PNPLA7: variants seen among roughly 807,000 people sequenced by gnomAD.
PNPLA7 encodes patatin like domain 7, lysophospholipase.
A neutral mutation model predicts 161.7 loss-of-function variants in PNPLA7; 153 were observed. That is an observed-to-expected ratio of 0.95 (90% CI 0.83 to 1.08). The LOEUF is 1.08. Among genes scored for constraint, PNPLA7 ranks in the 50% least tolerant of loss-of-function variants. The pLI is 0.00. For missense variants in PNPLA7, 1,739 were observed against 1,856.6 expected (o/e 0.94, Z 1.16); for synonymous variants, 809 against 782.1 (o/e 1.03, Z -0.57).
intron 21 of PNPLA7, among the ~76,000 whole-genome samples, chr9:137,482,293 C>T (rs1305173398): frequency 1.3e-5 from 2 of 152,256 alleles, no homozygotes; most frequent in Non-Finnish European, 1.5e-5. Context: ...CAGGTGTTTA[C>T]AGCAGCTTCA....
chr9:137,505,749 G>T lies in PNPLA7; in HGVS notation c.1338C>A (p.Ser446Arg), dbSNP rs781579958. 5 of 1,613,960 alleles carry T rather than the reference G, an allele frequency of 3.1e-6. No individual in the cohort carries two copies. The South Asian group carries it at 5.5e-5, about 18-fold the overall frequency. ...GSSVASKSRKSVMVAEIPSTV... is the reference protein window; with the variant it reads ...GSSVASKSRKRVMVAEIPSTV... ...TGGAGGGTATCTCTGCAACCATCAC[G>T]CTTTTCCTGGACTGGAGAAGAACGG... The change falls in exon 14 of 35, where the codon AGC becomes AGA. Residue 446 changes from serine (S) to arginine (R), a missense_variant. Physicochemically the swap from Ser to Arg is moderately radical, Grantham distance 110. Coordinates refer to ENST00000406427, the MANE Select transcript of PNPLA7 (RefSeq NM_001098537.3).
intron 8 of PNPLA7, among the ~76,000 whole-genome samples, chr9:137,538,466 C>G (rs541676263): frequency 1.3e-5 from 2 of 152,194 alleles, no homozygotes; most frequent in African/African-American, 4.8e-5. Flanking sequence ...GGCTCCAGTG[C>G]GAGGTTTCAT....
At chr9:137,466,859 C>T (rs569372275) in intron 26 of PNPLA7, among the ~76,000 whole-genome samples, 1 of 147,666 alleles carries the variant, frequency 6.8e-6, no homozygotes, top group African/African-American at 2.6e-5. Context: ...GACCCGGGCA[C>T]GGATCAGACC....
chr9:137,489,401 T>C (rs921481361), intron 20 of PNPLA7, among the ~76,000 whole-genome samples: 1 of 152,168 alleles, frequency 6.6e-6, no homozygotes, highest in Non-Finnish European at 1.5e-5. Flanking sequence ...CAGAGTCTCA[T>C]AGCCTAACAC....
intron 12 of PNPLA7, 131 bp downstream of exon 12, chr9:137,515,248 T>G: frequency 8.2e-7 from 1 of 1,217,800 alleles, no homozygotes; most frequent in Non-Finnish European, 1.1e-6. Flanking sequence ...CAGGCCCCCC[T>G]GGGCACGTGG....
Position 137,520,009 on chromosome 9 carries a change from C to A in PNPLA7, c.992G>T (p.Ser331Ile), listed in dbSNP as rs115576411. 2.1e-4 allele frequency: 343 copies of A among 1,612,742 alleles called. No homozygotes were observed. The African/African-American group carries it at 4.1e-3, about 19-fold the overall frequency. ...SQAIPLVSVA[S>I]VAAGKAKKQV... Reference sequence around the variant, plus strand: ...CTTCTTGGCCTTCCCGGCAGCCACACTGGCTACAGACACGAGAGGGATGGC... The same window carrying A: ...CTTCTTGGCCTTCCCGGCAGCCACAATGGCTACAGACACGAGAGGGATGGC... Residue 331 changes from serine to isoleucine, a missense_variant, in exon 11 of 35, where the codon AGT (serine) becomes ATT (isoleucine). Physicochemically the swap from Ser to Ile is moderately radical, Grantham distance 142. Coordinates refer to ENST00000406427, the MANE Select transcript of PNPLA7 (RefSeq NM_001098537.3). The surrounding 1 kb of genome is among the most constrained non-coding windows in gnomAD (Gnocchi z 5.2).
chr9:137,495,154 C>T lies in PNPLA7; in HGVS notation c.2014-8G>A. The T allele has an allele frequency of 3.2e-6, 5 of 1,584,652 alleles. No homozygotes were observed. Among genetic ancestry groups the T allele is most frequent in the Non-Finnish European group, 4.3e-6 (5 of 1,166,084 alleles). ...GTGGGTCAGTGTCTCCACCTGAGGA[C>T]AGGAGCCGGCTGCTGGGGCCGCGGG... On this transcript the variant is annotated splice_polypyrimidine_tract_variant and splice_region_variant and intron_variant, in intron 18 of 34. Coordinates refer to ENST00000406427, the MANE Select transcript of PNPLA7 (RefSeq NM_001098537.3).
chr9:137,517,497 C>T (rs1834667392), intron 11 of PNPLA7, among the ~76,000 whole-genome samples: 1 of 51,646 alleles, frequency 1.9e-5, no homozygotes, highest in Non-Finnish European at 4.0e-5. Context: ...TCCACTCTGT[C>T]CACTCCATCC....
chr9:137,521,635 C>T lies in PNPLA7; in HGVS notation c.957+1G>A, dbSNP rs748700362. On this transcript the variant is annotated splice_donor_variant, in intron 10 of 34. Coordinates refer to ENST00000406427, the MANE Select transcript of PNPLA7 (RefSeq NM_001098537.3). LOFTEE classifies it high-confidence loss of function. ...GGCTTTGTGAGGTGGTTTTCACTTA[C>T]AGCGTTGAAGAGCTCTGTGGTCAGG... is the stretch of plus-strand genomic sequence containing the variant. The T allele has an allele frequency of 1.9e-6, 3 of 1,612,282 alleles. No homozygotes were observed. Among genetic ancestry groups the T allele is most frequent in the Non-Finnish European group, 2.5e-6 (3 of 1,179,690 alleles).
At chr9:137,527,367 C>A (rs188544397) in intron 8 of PNPLA7, among the ~76,000 whole-genome samples, 1 of 151,808 alleles carries the variant, frequency 6.6e-6, no homozygotes, top group Non-Finnish European at 1.5e-5. Context: ...CAGTCTTTCA[C>A]GATCAGGCAC....
intron 1 of PNPLA7, among the ~76,000 whole-genome samples, chr9:137,548,249 AACGAGAAG>A (rs897050172): frequency 3.3e-5 from 5 of 152,196 alleles, no homozygotes; most frequent in East Asian, 1.9e-4. Context: ...TGAAAGAGAA[AACGAGAAG>A]ACGAGAAGAC....
intron 26 of PNPLA7, among the ~76,000 whole-genome samples, chr9:137,466,063 G>A (rs982280288): frequency 6.6e-6 from 1 of 152,028 alleles, no homozygotes; most frequent in Non-Finnish European, 1.5e-5. Flanking sequence ...ACATCCCCAC[G>A]CCAACATCTC....
At position 137,498,582 on chromosome 9, in the gene PNPLA7, G is replaced by A. The variant is rs558172463; in HGVS notation, c.1758-337C>T. 3.9e-5 allele frequency among the ~76,000 whole-genome samples: 6 copies of A among 152,352 alleles called. No individual in the cohort carries two copies. In the East Asian group the frequency reaches 9.7e-4, roughly 25 times the overall value. On this transcript the variant is annotated intron_variant, in intron 16 of 34. Coordinates refer to ENST00000406427, the MANE Select transcript of PNPLA7 (RefSeq NM_001098537.3). ...GTCAGGAGCTGCATAATGCACACTC[G>A]GGCCGTGGGTGTGGCTGGCAGTGAG... is the stretch of plus-strand genomic sequence containing the variant.
intron 8 of PNPLA7, among the ~76,000 whole-genome samples, chr9:137,527,894 G>A (rs1229050547): frequency 6.6e-6 from 1 of 152,194 alleles, no homozygotes; most frequent in Non-Finnish European, 1.5e-5. Flanking sequence ...GAATTCTCCA[G>A]GTGGGAAGGA....
chr9:137,504,957 G>C (rs923566845), intron 14 of PNPLA7, among the ~76,000 whole-genome samples: 5 of 152,156 alleles, frequency 3.3e-5, no homozygotes, highest in African/African-American at 1.2e-4. Context: ...GGGAGGCTGA[G>C]GTGGGCAAAT....
intron 11 of PNPLA7, among the ~76,000 whole-genome samples, chr9:137,519,054 A>C (rs1255311858): frequency 4.2e-3 from 198 of 46,758 alleles, no homozygotes; most frequent in Middle Eastern, 0.015. Flanking sequence ...ACTCCATCCC[A>C]CACTCACTCA....
chr9:137,549,154 G>A (rs889282005), intron 1 of PNPLA7, among the ~76,000 whole-genome samples: 1 of 152,240 alleles, frequency 6.6e-6, no homozygotes, highest in Non-Finnish European at 1.5e-5. Flanking sequence ...AGGAAATAAG[G>A]CCTTTGCCAT....
At chr9:137,496,676 A>G (rs1362632361) in intron 18 of PNPLA7, among the ~76,000 whole-genome samples, 1 of 152,126 alleles carries the variant, frequency 6.6e-6, no homozygotes, top group African/African-American at 2.4e-5. Flanking sequence ...GCGCCACTGC[A>G]CTCCAGCCTG....
rs1285214898 is a variant in PNPLA7, at chr9:137,479,152, G to C, written c.2667C>G (p.Arg889=). ...TCCGCATGTTGAGCCACTCCACGGT[G>C]CGCGCTGGCGCCGGGCCCTCCTCCC... ...LHREEGPAPA[R]TVEWLNMRSW... is the part of the protein sequence containing the mutation. Residue 889 remains arginine (R), a synonymous_variant, in exon 24 of 35, where the codon CGC becomes CGG. Transcript: ENST00000406427. The C allele has an allele frequency of 1.3e-6, 2 of 1,579,220 alleles. No homozygotes were observed. Among genetic ancestry groups the C allele is most frequent in the Middle Eastern group, 1.8e-4 (1 of 5,414 alleles).
Sources: allele counts gnomAD v4.1 joint callset (sites outside exome capture counted in the v4.1 genomes callset), GRCh38; gene constraint gnomAD v4.1.1; non-coding constraint Gnocchi (gnomAD v3.1); transcripts MANE v1.5; gene names NCBI Gene and HGNC (gene_info 2026-07-23, HGNC 2026-07-21).